The following TENM2 variants were observed in gnomAD, a reference collection of about 807,000 sequenced individuals.
TENM2 encodes the protein teneurin-2.
A neutral mutation model predicts 245.2 loss-of-function variants in TENM2; 52 were observed. The observed-to-expected ratio is 0.21, with a 90% CI of 0.17 to 0.27. The LOEUF is 0.27. Ranked by LOEUF, TENM2 falls within the 10% of genes least tolerant of loss-of-function variation. The probability of loss-of-function intolerance (pLI) is 1.00; values close to 1 mark genes in which losing one functional copy is unlikely to be tolerated. For missense variants in TENM2, 3,046 were observed against 3,666.8 expected (o/e 0.83, Z 4.37); for synonymous variants, 1,363 against 1,438.9 (o/e 0.95, Z 1.19).
At chr5:168,111,454 C>G (rs1468694971) in intron 9 of TENM2, among the ~76,000 whole-genome samples, 1 of 152,098 alleles carries the variant, frequency 6.6e-6, no homozygotes, top group Non-Finnish European at 1.5e-5. Flanking sequence ...GAGGGCTGTT[C>G]AGGTCAGAGA....
intron 2 of TENM2, chr5:167,573,877 GA>G (rs561291208): frequency 0.033 from 4,406 of 132,894 alleles, 89 homozygotes; most frequent in Non-Finnish European, 0.048. Context: ...TTTCTTGCTG[GA>G]AAAAAAAAAA....
At chr5:167,510,320 G>T (rs1345502341) in intron 2 of TENM2, among the ~76,000 whole-genome samples, 1 of 152,128 alleles carries the variant, frequency 6.6e-6, no homozygotes, top group Non-Finnish European at 1.5e-5. Context: ...CCACTAAGAT[G>T]AATTTTCCTG....
the TENM2 span, among the ~76,000 whole-genome samples, chr5:166,979,867 T>C: frequency 6.6e-6 from 1 of 152,084 alleles, no homozygotes; most frequent in Non-Finnish European, 1.5e-5. Context: ...TCATCGCAAT[T>C]ATAGGGATTT....
intron 2 of TENM2, among the ~76,000 whole-genome samples, chr5:167,762,123 C>G (rs996053275): frequency 3.3e-5 from 5 of 151,734 alleles, no homozygotes; most frequent in African/African-American, 1.2e-4. Flanking sequence ...AATTTTTAGT[C>G]TCTTTCTCTC....
chr5:167,406,064 T>C (rs922694650), intron 2 of TENM2, among the ~76,000 whole-genome samples: 3 of 151,876 alleles, frequency 2.0e-5, no homozygotes, highest in African/African-American at 7.3e-5. Flanking sequence ...ATACTGAGAG[T>C]TTCTCTAGTA....
At chr5:167,367,548 T>G (rs1481331587) in intron 1 of TENM2, among the ~76,000 whole-genome samples, 1 of 152,130 alleles carries the variant, frequency 6.6e-6, no homozygotes, top group Admixed American at 6.5e-5. Flanking sequence ...TGAAGACTTT[T>G]AGGATATACA....
chr5:168,247,754 A>G lies in TENM2; in HGVS notation c.6815A>G (p.Gln2272Arg). The G allele has an allele frequency of 6.2e-7, 1 of 1,613,940 alleles. No individual in the cohort carries two copies. The highest frequency in any genetic ancestry group is 8.5e-7 in the Non-Finnish European group (1 of 1,179,890). The change falls in exon 27 of 29, where the codon CAG becomes CGG. Residue 2272 changes from glutamine to arginine, a missense_variant. Physicochemically the swap from Gln to Arg is conservative, Grantham distance 43. Coordinates refer to ENST00000518659, the Ensembl canonical transcript of TENM2. The surrounding 1 kb of genome is among the most constrained non-coding windows in gnomAD (Gnocchi z 7.8). ...ATTGACGACGATGGCTATCTGTGCC[A>G]GAGAGGGTCTGACATCTTCGAATAC...
the TENM2 span, among the ~76,000 whole-genome samples, chr5:167,130,855 T>G: frequency 2.0e-5 from 3 of 151,148 alleles, no homozygotes; most frequent in East Asian, 5.9e-4. Context: ...TTCCTCTGCC[T>G]TCTTTCCAGG....
At chr5:167,797,786 G>T (rs952207889) in intron 2 of TENM2, among the ~76,000 whole-genome samples, 8 of 152,180 alleles carry the variant, frequency 5.3e-5, no homozygotes, top group Admixed American at 2.6e-4. Flanking sequence ...GATGCTATGT[G>T]TGAGAAATGA....
chr5:168,241,065 A>G (rs1313641272), intron 25 of TENM2: 4 of 152,010 alleles, frequency 2.6e-5, no homozygotes, highest in Non-Finnish European at 4.4e-5. Flanking sequence ...TTCAGACGGC[A>G]TTAACTTTTG....
chr5:167,565,292 C>T (rs770069783), intron 2 of TENM2, among the ~76,000 whole-genome samples: 4 of 152,174 alleles, frequency 2.6e-5, no homozygotes, highest in Non-Finnish European at 4.4e-5. Context: ...AATTATTCAA[C>T]GAGTTTTCTG....
At chr5:168,045,457 A>G (rs1056595743) in intron 5 of TENM2, among the ~76,000 whole-genome samples, 1 of 152,182 alleles carries the variant, frequency 6.6e-6, no homozygotes. Flanking sequence ...TCTGCACCTT[A>G]CAGTGGCAAG....
At chr5:168,234,051 T>C (rs140872182) in intron 25 of TENM2, among the ~76,000 whole-genome samples, 204 of 152,162 alleles carry the variant, frequency 1.3e-3, no homozygotes, top group African/African-American at 4.7e-3. Flanking sequence ...ACGTCTCTCT[T>C]TCTGTTTCTC....
At chr5:167,122,332 C>T in the TENM2 span, among the ~76,000 whole-genome samples, 2 of 152,126 alleles carry the variant, frequency 1.3e-5, no homozygotes, top group African/African-American at 4.8e-5. Flanking sequence ...CAATTTTTCC[C>T]TGCATATTTC....
chr5:167,420,658 C>A (rs1474533510), intron 2 of TENM2, among the ~76,000 whole-genome samples: 1 of 152,132 alleles, frequency 6.6e-6, no homozygotes, highest in Non-Finnish European at 1.5e-5. Flanking sequence ...TCAATAAGGC[C>A]CACCCTGACC....
the TENM2 span, among the ~76,000 whole-genome samples, chr5:167,045,577 A>C: frequency 6.6e-6 from 1 of 152,290 alleles, no homozygotes; most frequent in African/African-American, 2.4e-5. Flanking sequence ...ATTTAGAGTT[A>C]AGCATCAATT....
At chr5:167,410,608 T>A (rs1021543101) in intron 2 of TENM2, among the ~76,000 whole-genome samples, 4 of 151,972 alleles carry the variant, frequency 2.6e-5, no homozygotes, top group Non-Finnish European at 4.4e-5. Context: ...ATTCTCCCCA[T>A]AAAGTTCTGT....
chr5:167,212,987 G>T, the TENM2 span, among the ~76,000 whole-genome samples: 6 of 152,162 alleles, frequency 3.9e-5, no homozygotes, highest in South Asian at 1.2e-3. Flanking sequence ...TATATTATGC[G>T]CAAAATTTGA....
At chr5:167,541,448 G>A (rs1316105642) in intron 2 of TENM2, among the ~76,000 whole-genome samples, 2 of 152,070 alleles carry the variant, frequency 1.3e-5, no homozygotes, top group Non-Finnish European at 2.9e-5. Context: ...TTGAGAGAGA[G>A]GTTTGGAGTA....
Sources: gnomAD v4.1 joint callset for allele counts (sites outside exome capture counted in the v4.1 genomes callset) on GRCh38, gnomAD v4.1.1 for gene constraint, Gnocchi (gnomAD v3.1) non-coding constraint, MANE v1.5 for transcripts, NCBI Gene and HGNC (gene_info 2026-07-23, HGNC 2026-07-21) for gene names.